The following B4GALT4 variants were observed in gnomAD, a reference collection of about 807,000 sequenced individuals.
B4GALT4 encodes the protein N-acetyllactosamine synthase.
A neutral mutation model predicts 37.3 loss-of-function variants in B4GALT4; 27 were observed. That is an observed-to-expected ratio of 0.72 (90% confidence interval 0.53 to 1.00). The LOEUF is 1.00. B4GALT4 is among the 50% of genes least tolerant of loss of function. The pLI, the probability that B4GALT4 is intolerant of heterozygous loss-of-function variation, is 0.00. For synonymous variants in B4GALT4, 148 were observed against 154.1 expected (o/e 0.96, Z 0.29); for missense variants, 372 against 413.1 (o/e 0.90, Z 0.86).
chr3:119,211,900 T>C lies in B4GALT4; in HGVS notation c.*649A>G. On this transcript the variant is annotated 3_prime_UTR_variant, in exon 8 of 8. Transcript: ENST00000393765. ...GAATGTATTCTCTGGTGGGCATCAC[T>C]GGAAGGCATACCTGGGCAGGTCCTC... is the stretch of plus-strand genomic sequence containing the variant. 1 of 477,550 alleles carries C rather than the reference T, an allele frequency of 2.1e-6. No homozygotes were observed. The highest frequency in any genetic ancestry group is 1.9e-5 in the African/African-American group (1 of 52,284). 29.6% of individuals were successfully genotyped at this position (477,550 alleles called of 1,614,324 possible). A position where few individuals can be genotyped will look rare whatever the true frequency, so the allele number is the denominator to read the frequency against.
At chr3:119,232,835 G>T (rs776064767) in intron 2 of B4GALT4, among the ~76,000 whole-genome samples, 2 of 152,026 alleles carry the variant, frequency 1.3e-5, no homozygotes, top group African/African-American at 4.8e-5. Context: ...TTGAGACAGG[G>T]TCTCACTCTA....
At chr3:119,229,037 T>C (rs774841343) in intron 3 of B4GALT4, among the ~76,000 whole-genome samples, 9 of 152,142 alleles carry the variant, frequency 5.9e-5, no homozygotes, top group Non-Finnish European at 1.2e-4. Context: ...ACATAAAAGG[T>C]GAACCAAAAC....
chr3:119,230,448 A>G, intron 2 of B4GALT4: 1 of 245,034 alleles, frequency 4.1e-6, no homozygotes, highest in Non-Finnish European at 8.0e-6. Flanking sequence ...TCTCTAGTTT[A>G]TCAGCCAGGC....
In B4GALT4 at chr3:119,227,038, C is replaced by T. The variant is rs760355593; in HGVS notation, c.257G>A (p.Gly86Asp). 1 of 1,613,848 alleles carries T rather than the reference C, an allele frequency of 6.2e-7. No homozygotes were observed. Among genetic ancestry groups the T allele is most frequent in the Non-Finnish European group, 8.5e-7 (1 of 1,179,828 alleles). Residue 86 changes from glycine to aspartate, a missense_variant, in exon 4 of 8, where the codon GGC becomes GAC. Physicochemically the swap from Gly to Asp is moderately conservative, Grantham distance 94. Coordinates refer to ENST00000393765, the MANE Select transcript of B4GALT4 (RefSeq NM_003778.4). ...NCPSVSPYLR[G>D]QSKLIFKPDL... The stretch of plus-strand genomic sequence containing the variant: ...TGGTTTGAAAATGAGCTTGCTCTGG[C>T]CTCCTACAATGAACATAGGACACAG...
intron 7 of B4GALT4, chr3:119,215,646 T>C (rs1454271052): frequency 2.6e-5 from 4 of 152,230 alleles, no homozygotes; most frequent in Admixed American, 6.5e-5. Context: ...TAAGTTATAC[T>C]ACCAGGATGC....
intron 2 of B4GALT4, among the ~76,000 whole-genome samples, chr3:119,234,116 GTTTT>G (rs373341157): frequency 6.8e-6 from 1 of 148,088 alleles, no homozygotes; most frequent in African/African-American, 2.5e-5. Context: ...CAGGACACAA[GTTTT>G]TTTTTTTTCT....
chr3:119,239,256 G>A (rs2079075857), intron 1 of B4GALT4, among the ~76,000 whole-genome samples: 1 of 149,752 alleles, frequency 6.7e-6, no homozygotes, highest in Non-Finnish European at 1.5e-5. Context: ...AACCTGAGAG[G>A]TGTAGGTTGC....
intron 2 of B4GALT4, among the ~76,000 whole-genome samples, chr3:119,235,906 T>C (rs570766252): frequency 2.6e-5 from 4 of 152,098 alleles, no homozygotes; most frequent in Non-Finnish European, 5.9e-5. Flanking sequence ...AACAAATAAA[T>C]GAATAGAAGA....
rs920433255 is a variant in B4GALT4 at position 119,226,160 on chromosome 3, C to G, written c.486+649G>C. 2.0e-5 allele frequency among the ~76,000 whole-genome samples: 3 copies of G among 152,182 alleles called. No homozygotes were observed. In the East Asian group the frequency reaches 5.8e-4, roughly 29 times the overall value. Reference sequence around the variant, plus strand: ...GATGTCTTAGTTTTCTTTCAATAAACTTTAATGCCAAATAGAGGTATCTTT... The same window carrying G: ...GATGTCTTAGTTTTCTTTCAATAAAGTTTAATGCCAAATAGAGGTATCTTT... On this transcript the variant is annotated intron_variant, in intron 4 of 7. Transcript: ENST00000393765.
chr3:119,225,726 T>C (rs1225856986), intron 4 of B4GALT4, among the ~76,000 whole-genome samples: 2 of 152,196 alleles, frequency 1.3e-5, no homozygotes, highest in South Asian at 2.1e-4. Flanking sequence ...AAAGCAAACA[T>C]GTTTTTCTAT....
intron 2 of B4GALT4, chr3:119,236,319 AAAC>A (rs2078983836): frequency 6.6e-6 from 1 of 151,840 alleles, no homozygotes; most frequent in African/African-American, 2.4e-5. Flanking sequence ...CAGAAAAAAA[AAAC>A]AGACATTAGT....
At chr3:119,218,799 G>A (rs1223867884) in intron 5 of B4GALT4, 27 bp from the exon 6 acceptor site, 1 of 1,613,250 alleles carries the variant, frequency 6.2e-7, no homozygotes. Context: ...GAGAGAAATG[G>A]TAAGAATATT....
intron 7 of B4GALT4, 52 bp from the exon 8 acceptor site, chr3:119,212,733 A>C: frequency 1.3e-6 from 2 of 1,500,548 alleles, no homozygotes; most frequent in African/African-American, 1.4e-5. Context: ...ATATGTCTCC[A>C]CTGCATTTTG....
At position 119,211,850 on chromosome 3, in the gene B4GALT4, C is replaced by A; in HGVS notation, c.*699G>T. On this transcript the variant is annotated 3_prime_UTR_variant, in exon 8 of 8. Transcript: ENST00000393765. The stretch of plus-strand genomic sequence containing the variant: ...ATCCTACTTGTACAAAATCATTTTA[C>A]AAAAACTCTTTAAAAACTAATAGAG... The A allele has an allele frequency of 3.1e-6, 1 of 323,840 alleles. No homozygotes were observed. The highest frequency in any genetic ancestry group is 5.6e-6 in the Non-Finnish European group (1 of 178,054). The allele number at this position is 323,840 out of a possible 1,614,324, so 20.1% of individuals were successfully genotyped here.
In B4GALT4 at chr3:119,227,063, G is replaced by T. The variant is rs763916221; in HGVS notation, c.254-22C>A. On this transcript the variant is annotated intron_variant, in intron 3 of 7. Transcript: ENST00000393765. ...CCTCCTACAATGAACATAGGACACA[G>T]ACAATAACAGTAGCTACTTCAAAAA... 6 of 1,599,830 alleles carry T rather than the reference G, an allele frequency of 3.8e-6. No homozygotes were observed. The African/African-American group carries it at 8.0e-5, about 21-fold the overall frequency.
chr3:119,235,526 C>T (rs773653050), intron 2 of B4GALT4, among the ~76,000 whole-genome samples: 1 of 152,198 alleles, frequency 6.6e-6, no homozygotes, highest in Non-Finnish European at 1.5e-5. Context: ...TGGGGCAACA[C>T]CAGAAGAAAG....
In B4GALT4 at chr3:119,212,303, G is replaced by A; in HGVS notation, c.*246C>T. 1 of 686,434 alleles carries A rather than the reference G, an allele frequency of 1.5e-6. No individual in the cohort carries two copies. The highest frequency in any genetic ancestry group is 2.6e-6 in the Non-Finnish European group (1 of 378,788). 42.5% of individuals were successfully genotyped at this position (686,434 alleles called of 1,614,324 possible). A position where few individuals can be genotyped will look rare whatever the true frequency, so the allele number is the denominator to read the frequency against. ...CCTTTGAGTCATCCTTTTATATAAAGTCCTTCAAGTATCCATATTACAATA... is the reference window on the plus strand; with the variant it reads ...CCTTTGAGTCATCCTTTTATATAAAATCCTTCAAGTATCCATATTACAATA... On this transcript the variant is annotated 3_prime_UTR_variant, in exon 8 of 8. Transcript: ENST00000393765.
intron 1 of B4GALT4, among the ~76,000 whole-genome samples, chr3:119,238,198 C>T (rs986450353): frequency 1.4e-5 from 2 of 144,010 alleles, no homozygotes; most frequent in Admixed American, 7.2e-5. Flanking sequence ...ACCCGGGAGG[C>T]GGAGGCTGCA....
chr3:119,229,249 T>C (rs1427982950), intron 3 of B4GALT4, among the ~76,000 whole-genome samples: 1 of 152,052 alleles, frequency 6.6e-6, no homozygotes, highest in Non-Finnish European at 1.5e-5. Context: ...CCCACTAGTT[T>C]CAGGAGGAGG....
Sources: gnomAD v4.1 joint callset for allele counts (sites outside exome capture counted in the v4.1 genomes callset) on GRCh38, gnomAD v4.1.1 for gene constraint, MANE v1.5 for transcripts, NCBI Gene and HGNC (gene_info 2026-07-23, HGNC 2026-07-21) for gene names.